TAF3: variants seen among roughly 807,000 people sequenced by gnomAD.
TAF3 encodes the protein transcription initiation factor TFIID subunit 3.
A neutral mutation model predicts 80.6 loss-of-function variants in TAF3; 7 were observed. That is an observed-to-expected ratio of 0.09 (90% confidence interval 0.05 to 0.16). The LOEUF is 0.16. TAF3 is among the 10% of genes least tolerant of loss of function. The probability of loss-of-function intolerance (pLI) is 1.00; values close to 1 mark genes in which losing one functional copy is unlikely to be tolerated. For synonymous variants in TAF3, 444 were observed against 446.1 expected, an observed-to-expected ratio of 1.00 and a Z score of 0.06; for missense variants, 921 against 1,140.2, an observed-to-expected ratio of 0.81 and a Z score of 2.77.
At chr10:7,918,174 G>A (rs533218291) in intron 2 of TAF3, among the ~76,000 whole-genome samples, 8 of 152,308 alleles carry the variant, frequency 5.3e-5, no homozygotes, top group South Asian at 2.1e-4. Context: ...AATGAAATGC[G>A]TAAAACAAGA....
chr10:7,875,222 ATTGT>A (rs1437598065), intron 2 of TAF3, among the ~76,000 whole-genome samples: 6 of 152,000 alleles, frequency 3.9e-5, no homozygotes, highest in African/African-American at 4.8e-5. Flanking sequence ...GTCTCCATAC[ATTGT>A]TTATTTATTT....
At chr10:7,854,913 C>T (rs1017852678) in intron 2 of TAF3, among the ~76,000 whole-genome samples, 1 of 152,202 alleles carries the variant, frequency 6.6e-6, no homozygotes, top group East Asian at 1.9e-4. Context: ...TTGTTAAACA[C>T]TTTTGACTTC....
intron 2 of TAF3, among the ~76,000 whole-genome samples, chr10:7,944,135 G>A (rs946052790): frequency 1.2e-4 from 17 of 143,304 alleles, no homozygotes; most frequent in African/African-American, 3.3e-4. Context: ...GTGTGTGTGT[G>A]TTGTGGGGGG....
intron 2 of TAF3, among the ~76,000 whole-genome samples, chr10:7,885,124 G>C (rs1262677801): frequency 6.6e-6 from 1 of 151,930 alleles, no homozygotes; most frequent in African/African-American, 2.4e-5. Context: ...GTGTCTGTTT[G>C]GGTTGATGAA....
chr10:7,901,626 C>T (rs1837559542), intron 2 of TAF3, among the ~76,000 whole-genome samples: 1 of 152,150 alleles, frequency 6.6e-6, no homozygotes, highest in African/African-American at 2.4e-5. Context: ...ATTTTAGACT[C>T]ACTGTGAGGT....
chr10:7,968,790 A>G (rs984797149), intron 3 of TAF3, among the ~76,000 whole-genome samples: 1 of 152,212 alleles, frequency 6.6e-6, no homozygotes, highest in South Asian at 2.1e-4. Context: ...TATGGTCCTC[A>G]CTACCACACT....
At chr10:7,824,789 G>C (rs1836725258) in intron 2 of TAF3, among the ~76,000 whole-genome samples, 1 of 152,184 alleles carries the variant, frequency 6.6e-6, no homozygotes, top group Admixed American at 6.5e-5. Context: ...CCTTTGTAAA[G>C]TTCAAGTAGA....
chr10:8,006,390 C>G (rs958454157), intron 4 of TAF3, among the ~76,000 whole-genome samples: 1 of 151,892 alleles, frequency 6.6e-6, no homozygotes, highest in Non-Finnish European at 1.5e-5. Flanking sequence ...AAAAAAAAAC[C>G]TAGATAAGGC....
At chr10:7,887,095 C>T (rs1041868251) in intron 2 of TAF3, among the ~76,000 whole-genome samples, 2 of 151,866 alleles carry the variant, frequency 1.3e-5, no homozygotes, top group African/African-American at 2.4e-5. Context: ...ATTAGCCGGG[C>T]GTGGTGGCAG....
chr10:8,009,148 C>G lies in TAF3; in HGVS notation c.2386C>G (p.Pro796Ala), dbSNP rs751980581. ...APSQNRPKTP[P>A]PAPAPAPGPM... ...CTCGCAGAACAGGCCGAAGACCCCA[C>G]CGCCGGCCCCCGCGCCCGCCCCCGG... is the stretch of plus-strand genomic sequence containing the variant. Residue 796 changes from proline to alanine, a missense_variant, in exon 5 of 7, where the codon CCG becomes GCG. This residue lies in a region of TAF3 where 743 missense variants were observed against 821.0 expected (regional missense o/e 0.90). Transcript: ENST00000344293. This position sits in a 1 kb window ranked among gnomAD's most constrained non-coding sequence, Gnocchi z 4.1. The G allele has an allele frequency of 6.3e-7, 1 of 1,578,782 alleles. No homozygotes were observed. The highest frequency in any genetic ancestry group is 1.1e-5 in the South Asian group (1 of 90,490).
At chr10:7,851,242 G>C (rs1837023976) in intron 2 of TAF3, among the ~76,000 whole-genome samples, 1 of 152,164 alleles carries the variant, frequency 6.6e-6, no homozygotes, top group Non-Finnish European at 1.5e-5. Flanking sequence ...CTTCAAAGAG[G>C]GGAGAGGGAT....
chr10:7,969,742 C>A (rs1267963131), intron 3 of TAF3, among the ~76,000 whole-genome samples: 1 of 152,126 alleles, frequency 6.6e-6, no homozygotes, highest in Non-Finnish European at 1.5e-5. Flanking sequence ...AGTTTCACCC[C>A]AAAAATGCTG....
intron 2 of TAF3, among the ~76,000 whole-genome samples, chr10:7,839,240 G>A (rs536168652): frequency 2.0e-5 from 3 of 152,114 alleles, no homozygotes; most frequent in South Asian, 4.2e-4. Flanking sequence ...TTCTTTGAGC[G>A]CCCGTATAAT....
chr10:7,971,492 G>A (rs1319728928), intron 3 of TAF3, among the ~76,000 whole-genome samples: 1 of 147,880 alleles, frequency 6.8e-6, no homozygotes, highest in African/African-American at 2.5e-5. Flanking sequence ...AACATTAAAA[G>A]AATAAAAAAA....
chr10:7,862,314 T>C (rs887759724), intron 2 of TAF3, among the ~76,000 whole-genome samples: 3 of 152,218 alleles, frequency 2.0e-5, no homozygotes, highest in Non-Finnish European at 4.4e-5. Context: ...GTTCTTGACA[T>C]TGTGAGTGTA....
intron 2 of TAF3, among the ~76,000 whole-genome samples, chr10:7,887,408 G>A (rs992641367): frequency 1.3e-5 from 2 of 152,084 alleles, no homozygotes; most frequent in African/African-American, 2.4e-5. Context: ...AGAACTTTTT[G>A]TGATTGCAAA....
chr10:7,985,983 C>T (rs189839752), intron 4 of TAF3, among the ~76,000 whole-genome samples: 46 of 152,094 alleles, frequency 3.0e-4, no homozygotes, highest in African/African-American at 1.1e-3. Context: ...AGGGTTTCGC[C>T]TTGTTGGCCA....
chr10:7,983,184 G>A (rs1831742716), intron 4 of TAF3, among the ~76,000 whole-genome samples: 1 of 152,172 alleles, frequency 6.6e-6, no homozygotes. Flanking sequence ...ACAGTCCCTG[G>A]CGAAGCCCCG....
At chr10:7,931,584 A>G (rs1484375834) in intron 2 of TAF3, among the ~76,000 whole-genome samples, 2 of 152,220 alleles carry the variant, frequency 1.3e-5, no homozygotes, top group South Asian at 2.1e-4. Context: ...ACAGATTTTC[A>G]TGAAGGTTCT....
Sources: gnomAD v4.1 joint callset for allele counts (sites outside exome capture counted in the v4.1 genomes callset) on GRCh38, gnomAD v4.1.1 for gene constraint, gnomAD v4.1.1 regional missense constraint, Gnocchi (gnomAD v3.1) non-coding constraint, MANE v1.5 for transcripts, NCBI Gene and HGNC (gene_info 2026-07-23, HGNC 2026-07-21) for gene names.